The following AUTS2 variants were observed in gnomAD, a reference collection of about 807,000 sequenced individuals.
The protein encoded by AUTS2 is activator of transcription and developmental regulator AUTS2, also known as autism susceptibility gene 2 protein.
In AUTS2, 17 loss-of-function variants were observed where a neutral mutation model predicts 112.4. The observed-to-expected ratio is 0.15, with a 90% confidence interval of 0.10 to 0.23. The LOEUF (loss-of-function observed/expected upper bound fraction) is 0.23, where lower values mean the gene tolerates loss of function less well. Among genes scored for constraint, AUTS2 ranks in the 10% least tolerant of loss-of-function variants. The probability of loss-of-function intolerance (pLI) is 1.00; values close to 1 mark genes in which losing one functional copy is unlikely to be tolerated. For synonymous variants in AUTS2, 751 were observed against 702.7 expected, an observed-to-expected ratio of 1.07 and a Z score of -1.09; for missense variants, 1,510 against 1,701.6, an observed-to-expected ratio of 0.89 and a Z score of 1.98.
intron 5 of AUTS2, among the ~76,000 whole-genome samples, chr7:70,495,820 A>G (rs370499672): frequency 5.0e-4 from 55 of 109,570 alleles, no homozygotes; most frequent in African/African-American, 7.3e-4. Flanking sequence ...TCACATCAGC[A>G]TCGATCACAC....
At chr7:70,755,284 A>G (rs1037311606) in intron 6 of AUTS2, among the ~76,000 whole-genome samples, 3 of 151,674 alleles carry the variant, frequency 2.0e-5, no homozygotes, top group African/African-American at 7.3e-5. Context: ...TTTTAAACAC[A>G]TGCACCATAT....
intron 1 of AUTS2, among the ~76,000 whole-genome samples, chr7:69,869,057 T>A (rs900764117): frequency 6.6e-6 from 1 of 152,200 alleles, no homozygotes; most frequent in Non-Finnish European, 1.5e-5. Flanking sequence ...TCAGCCACCG[T>A]TGACCTGTGA....
chr7:70,361,445 T>C lies in AUTS2; in HGVS notation c.661-74307T>C, dbSNP rs1308853620. On this transcript the variant is annotated intron_variant, in intron 4 of 18. Coordinates refer to ENST00000342771, the MANE Select transcript of AUTS2 (RefSeq NM_015570.4). ...GTTCATTTGTCATTACGCCTCAGCC[T>C]CCTTTTCTTTAAGCACTTGTTGTGA... Among the ~76,000 whole-genome samples the C allele has an allele frequency of 2.0e-5, 3 of 152,312 alleles. No homozygotes were observed. The East Asian group carries it at 5.8e-4, about 29-fold the overall frequency.
intron 1 of AUTS2, among the ~76,000 whole-genome samples, chr7:69,649,011 A>G (rs1333174602): frequency 6.6e-6 from 1 of 152,178 alleles, no homozygotes; most frequent in Non-Finnish European, 1.5e-5. Flanking sequence ...AGTAGGTAGG[A>G]GCAACATTTA....
At chr7:69,828,469 C>A (rs1584305236) in intron 1 of AUTS2, among the ~76,000 whole-genome samples, 1 of 152,126 alleles carries the variant, frequency 6.6e-6, no homozygotes, top group East Asian at 1.9e-4. Context: ...TATTGTGGAG[C>A]TGTTGAATTG....
At chr7:69,860,238 A>T (rs1330690166) in intron 1 of AUTS2, among the ~76,000 whole-genome samples, 1 of 151,940 alleles carries the variant, frequency 6.6e-6, no homozygotes, top group Non-Finnish European at 1.5e-5. Flanking sequence ...AGAGACAGCT[A>T]GTGAGGGCTG....
At chr7:70,379,894 A>G (rs1793290782) in intron 4 of AUTS2, among the ~76,000 whole-genome samples, 1 of 152,218 alleles carries the variant, frequency 6.6e-6, no homozygotes, top group Non-Finnish European at 1.5e-5. Context: ...TATTTGCTGT[A>G]CCAGAGGCAA....
chr7:70,343,150 CTTAA>C (rs946290574), intron 4 of AUTS2, among the ~76,000 whole-genome samples: 6 of 152,158 alleles, frequency 3.9e-5, no homozygotes, highest in African/African-American at 1.2e-4. Context: ...CTTTAATCAT[CTTAA>C]TTAATGATAT....
At chr7:70,140,265 T>C (rs1382630361) in intron 4 of AUTS2, among the ~76,000 whole-genome samples, 1 of 152,214 alleles carries the variant, frequency 6.6e-6, no homozygotes, top group African/African-American at 2.4e-5. Flanking sequence ...TTTTTATTAA[T>C]GTTAACAGCC....
At chr7:70,313,884 T>C (rs1789872980) in intron 4 of AUTS2, among the ~76,000 whole-genome samples, 1 of 152,142 alleles carries the variant, frequency 6.6e-6, no homozygotes, top group Non-Finnish European at 1.5e-5. Flanking sequence ...TGGAGCTCAG[T>C]TACCCAGCAG....
At chr7:70,581,442 C>T (rs918066640) in intron 5 of AUTS2, among the ~76,000 whole-genome samples, 35 of 152,260 alleles carry the variant, frequency 2.3e-4, no homozygotes, top group Admixed American at 3.9e-4. Flanking sequence ...CCTATAGTCC[C>T]GGCTACTCAG....
intron 4 of AUTS2, among the ~76,000 whole-genome samples, chr7:70,342,439 A>G (rs1280900160): frequency 6.6e-6 from 1 of 151,822 alleles, no homozygotes; most frequent in East Asian, 1.9e-4. Context: ...TCATCAGGCT[A>G]CAGAGGGTGA....
At chr7:69,854,399 T>G (rs1314076736) in intron 1 of AUTS2, among the ~76,000 whole-genome samples, 3 of 152,186 alleles carry the variant, frequency 2.0e-5, no homozygotes, top group Non-Finnish European at 4.4e-5. Flanking sequence ...TATTCTCTTG[T>G]ACTTCATCAA....
At chr7:70,636,780 G>A (rs1019995240) in intron 5 of AUTS2, among the ~76,000 whole-genome samples, 1 of 151,750 alleles carries the variant, frequency 6.6e-6, no homozygotes, top group Non-Finnish European at 1.5e-5. Context: ...CCCAAGATCT[G>A]AGACTACAGG....
At chr7:69,936,803 C>T (rs1246445637) in intron 2 of AUTS2, among the ~76,000 whole-genome samples, 1 of 152,048 alleles carries the variant, frequency 6.6e-6, no homozygotes, top group African/African-American at 2.4e-5. Context: ...AAACGTGAGC[C>T]AAAGTTCCAT....
chr7:70,768,114 A>T, intron 10 of AUTS2, 46 bp downstream of exon 10: 1 of 1,549,486 alleles, frequency 6.5e-7, no homozygotes, highest in East Asian at 2.4e-5. Flanking sequence ...CTGCTTTGCC[A>T]TTTTTGTGCT....
intron 5 of AUTS2, among the ~76,000 whole-genome samples, chr7:70,595,591 C>A (rs985137008): frequency 2.6e-5 from 4 of 152,086 alleles, no homozygotes; most frequent in Non-Finnish European, 4.4e-5. Flanking sequence ...TTTAGAAAGA[C>A]TAGGAATGAG....
At chr7:70,511,431 T>G (rs918572132) in intron 5 of AUTS2, among the ~76,000 whole-genome samples, 11 of 151,616 alleles carry the variant, frequency 7.3e-5, no homozygotes, top group African/African-American at 2.4e-4. Context: ...GAGATCATAA[T>G]AAAACAACCT....
chr7:70,194,883 T>A (rs1584863835), intron 4 of AUTS2: 1 of 152,190 alleles, frequency 6.6e-6, no homozygotes, highest in East Asian at 1.9e-4. Context: ...TTTGATTCTT[T>A]CCCACATTAT....
Sources: gnomAD v4.1 joint callset for allele counts (sites outside exome capture counted in the v4.1 genomes callset) on GRCh38, gnomAD v4.1.1 for gene constraint, MANE v1.5 for transcripts, NCBI Gene and HGNC (gene_info 2026-07-23, HGNC 2026-07-21) for gene names.